The following VPS13D variants were observed in gnomAD, a reference collection of about 807,000 sequenced individuals.
The protein encoded by VPS13D is vacuolar protein sorting 13 homolog D.
In VPS13D, 187 loss-of-function variants were observed where a neutral mutation model predicts 461.9. The ratio of observed to expected loss-of-function variants is 0.40; its 90% CI spans 0.36 to 0.46. VPS13D has a LOEUF of 0.46. Among genes scored for constraint, VPS13D ranks in the 20% least tolerant of loss-of-function variants. VPS13D has a pLI of 0.60. For synonymous variants in VPS13D, 1,951 were observed against 1,986.3 expected (o/e 0.98, Z 0.47); for missense variants, 4,711 against 5,364.9 (o/e 0.88, Z 3.81).
intron 20 of VPS13D, among the ~76,000 whole-genome samples, chr1:12,280,445 T>A (rs975412667): frequency 4.6e-5 from 7 of 152,124 alleles, no homozygotes; most frequent in African/African-American, 1.7e-4. Context: ...CCAGGACAAA[T>A]TTTTCACCTT....
At position 12,310,857 on chromosome 1, in the gene VPS13D, T is replaced by TTCCTTCCCTCCTTCCC. The variant is rs1360748993; in HGVS notation, c.6651-553_6651-538dup. ...CTTCCTTCCCTCCTTCCCTCCTTCC[T>TTCCTTCCCTCCTTCCC]TCCTTCCCTCCTTCCCTCCTTCCCT... On this transcript the variant is annotated intron_variant, in intron 27 of 69. Coordinates refer to ENST00000620676, the MANE Select transcript of VPS13D (RefSeq NM_015378.4). Among the ~76,000 whole-genome samples the TTCCTTCCCTCCTTCCC allele has an allele frequency of 7.9e-3, 570 of 71,916 alleles. 8 individuals are homozygous for TTCCTTCCCTCCTTCCC. The highest frequency in any genetic ancestry group is 0.011 in the Non-Finnish European group (416 of 37,020). 47.2% of individuals were successfully genotyped at this position (71,916 alleles called of 152,430 possible). A position where few individuals can be genotyped will look rare whatever the true frequency, so the allele number is the denominator to read the frequency against.
chr1:12,468,009 A>G (rs542756078), intron 67 of VPS13D, among the ~76,000 whole-genome samples: 4 of 152,296 alleles, frequency 2.6e-5, no homozygotes, highest in Non-Finnish European at 5.9e-5. Context: ...GTGCAAAGAA[A>G]ATGAATGGGA....
At position 12,311,618 on chromosome 1, in the gene VPS13D, G is replaced by A. The variant is rs1642751814; in HGVS notation, c.6815G>A (p.Arg2272Lys). The change falls in exon 28 of 70, where the codon AGA becomes AAA. Residue 2272 changes from arginine to lysine, a missense_variant. Arg to Lys is a conservative substitution (Grantham distance 26). Coordinates refer to ENST00000620676, the MANE Select transcript of VPS13D (RefSeq NM_015378.4). The part of the protein sequence containing the change: ...FMRPYDLQDP[R>K]IHTVLSGEVY... ...CGGCCTTATGATTTACAAGATCCAA[G>A]AATTCATGTGAGTGAGACCTTATGT... The A allele has an allele frequency of 1.2e-6, 2 of 1,614,044 alleles. No homozygotes were observed. The highest frequency in any genetic ancestry group is 2.2e-5 in the South Asian group (2 of 91,068).
chr1:12,294,337 TC>T (rs1471681422), intron 24 of VPS13D, among the ~76,000 whole-genome samples: 4 of 152,226 alleles, frequency 2.6e-5, no homozygotes, highest in African/African-American at 9.6e-5. Flanking sequence ...AACCCTCACT[TC>T]CTGTCCACAT....
At chr1:12,335,955 G>C in intron 39 of VPS13D, 128 bp downstream of exon 39, 3 of 1,394,206 alleles carry the variant, frequency 2.2e-6, no homozygotes, top group Non-Finnish European at 2.9e-6. Context: ...ACTATCTTCT[G>C]TAGTTCTGTT....
At chr1:12,340,807 A>G (rs1417898124) in intron 40 of VPS13D, among the ~76,000 whole-genome samples, 2 of 152,178 alleles carry the variant, frequency 1.3e-5, no homozygotes, top group African/African-American at 2.4e-5. Flanking sequence ...TGTTGTGAAC[A>G]TGTCAACCAG....
intron 50 of VPS13D, among the ~76,000 whole-genome samples, chr1:12,361,694 C>A (rs1643953336): frequency 6.6e-6 from 1 of 152,072 alleles, no homozygotes; most frequent in African/African-American, 2.4e-5. Context: ...CACGCCCGGC[C>A]TGAATTTTTT....
intron 38 of VPS13D, among the ~76,000 whole-genome samples, chr1:12,334,536 A>G (rs1643404198): frequency 6.6e-6 from 1 of 152,254 alleles, no homozygotes; most frequent in South Asian, 2.1e-4. Flanking sequence ...AGAAGCCAAG[A>G]TGGGAAGCTC....
In VPS13D at chr1:12,264,736, A is replaced by G. The variant is rs1446895465; in HGVS notation, c.1595-2145A>G. 2.0e-5 allele frequency among the ~76,000 whole-genome samples: 3 copies of G among 152,282 alleles called. No individual in the cohort carries two copies. The East Asian group carries it at 5.8e-4, about 29-fold the overall frequency. On this transcript the variant is annotated intron_variant, in intron 13 of 69. Transcript: ENST00000620676. Reference sequence around the variant, plus strand: ...CATAAAAGTGCAAGGTGAAGCAGCCAGTGCTGATGGGGAAGCTGCAGCAAG... The same window carrying G: ...CATAAAAGTGCAAGGTGAAGCAGCCGGTGCTGATGGGGAAGCTGCAGCAAG...
At chr1:12,327,083 G>A (rs1006719821) in intron 35 of VPS13D, among the ~76,000 whole-genome samples, 1 of 152,138 alleles carries the variant, frequency 6.6e-6, no homozygotes, top group African/African-American at 2.4e-5. Context: ...AACTTTCCAT[G>A]TACTCATTCT....
Position 12,288,006 on chromosome 1 carries a change from C to T in VPS13D, c.5635-217C>T, listed in dbSNP as rs139413597. Reference sequence around the variant, plus strand: ...AGACAAGGCAAGCATAGAGAAGGCACCACAGAAACTGAAATTTAGACTGTC... The same window carrying T: ...AGACAAGGCAAGCATAGAGAAGGCATCACAGAAACTGAAATTTAGACTGTC... On this transcript the variant is annotated intron_variant, in intron 21 of 69. Transcript: ENST00000620676. Among the ~76,000 whole-genome samples, 671 of 152,268 alleles carry T rather than the reference C, an allele frequency of 4.4e-3. 3 individuals carry two copies. The highest frequency in any genetic ancestry group is 0.015 in the African/African-American group (638 of 41,542).
At chr1:12,420,631 T>A (rs1570138061) in intron 65 of VPS13D, among the ~76,000 whole-genome samples, 1 of 152,360 alleles carries the variant, frequency 6.6e-6, no homozygotes, top group East Asian at 1.9e-4. Context: ...CAGGGAGAGA[T>A]TCTTGCCTCC....
intron 2 of VPS13D, 107 bp downstream of exon 2, chr1:12,234,470 A>T (rs949678297): frequency 1.2e-6 from 1 of 818,524 alleles, no homozygotes; most frequent in Non-Finnish European, 1.9e-6. Flanking sequence ...ATGGCTTTGT[A>T]CTAAATGTAT....
chr1:12,319,553 C>T lies in VPS13D; in HGVS notation c.7471C>T (p.Leu2491=). The stretch of plus-strand genomic sequence containing the variant: ...CTGCTTCGACACCAATGCCATTATT[C>T]TGAAAGGCACCACAGTGCTCACCTA... ...VSCFDTNAII[L]KGTTVLTYKP... Residue 2491 remains leucine, a synonymous_variant, in exon 32 of 70, where the codon CTG becomes TTG. Coordinates refer to ENST00000620676, the MANE Select transcript of VPS13D (RefSeq NM_015378.4). 1 of 1,614,172 alleles carries T rather than the reference C, an allele frequency of 6.2e-7. No individual in the cohort carries two copies. The highest frequency in any genetic ancestry group is 8.5e-7 in the Non-Finnish European group (1 of 1,180,026).
chr1:12,409,171 C>CT, intron 63 of VPS13D, among the ~76,000 whole-genome samples: 1 of 151,908 alleles, frequency 6.6e-6, no homozygotes. Flanking sequence ...TGTTTTGAAT[C>CT]TAATTTTTTT....
intron 57 of VPS13D, among the ~76,000 whole-genome samples, chr1:12,381,980 T>TTCTTTCTTTC (rs1318974573): frequency 3.9e-4 from 51 of 131,150 alleles, no homozygotes; most frequent in Non-Finnish European, 5.3e-4. Flanking sequence ...CTTTCTTTCT[T>TTCTTTCTTTC]TCTCTCTCTC....
chr1:12,354,466 C>T (rs563241313), intron 47 of VPS13D, among the ~76,000 whole-genome samples: 30 of 151,948 alleles, frequency 2.0e-4, no homozygotes, highest in Non-Finnish European at 3.4e-4. Flanking sequence ...TCTAGAAGTT[C>T]GAGGCTTCAG....
chr1:12,293,799 G>A (rs1642198591), intron 24 of VPS13D, 95 bp downstream of exon 24: 14 of 1,302,584 alleles, frequency 1.1e-5, no homozygotes, highest in African/African-American at 3.0e-5. Flanking sequence ...GTAAAGGTAA[G>A]TTATCCTTGC....
At chr1:12,298,344 T>C (rs1299034613) in intron 24 of VPS13D, among the ~76,000 whole-genome samples, 4 of 152,100 alleles carry the variant, frequency 2.6e-5, no homozygotes, top group South Asian at 2.1e-4. Context: ...CCTGTTCTTA[T>C]AAAGAGGATA....
Sources: allele counts gnomAD v4.1 joint callset (sites outside exome capture counted in the v4.1 genomes callset), GRCh38; gene constraint gnomAD v4.1.1; transcripts MANE v1.5; gene names NCBI Gene and HGNC (gene_info 2026-07-23, HGNC 2026-07-21).